Variants in USP13 observed in about 807,000 individuals in gnomAD.
The protein encoded by USP13 is ubiquitin specific peptidase 13, also known as ubiquitin carboxyl-terminal hydrolase 13.
Under a neutral mutation model 107.8 loss-of-function variants are expected in USP13, and 68 were observed. That is an observed-to-expected ratio of 0.63 (90% CI 0.52 to 0.77). The LOEUF (loss-of-function observed/expected upper bound fraction) is 0.77. Among genes scored for constraint, USP13 ranks in the 30% least tolerant of loss-of-function variants. The probability of loss-of-function intolerance (pLI) is 0.00; values close to 1 mark genes in which losing one functional copy is unlikely to be tolerated. For missense variants in USP13, 945 were observed against 1,093.3 expected (o/e 0.86, Z 1.91); for synonymous variants, 377 against 389.5 (o/e 0.97, Z 0.38).
intron 10 of USP13, among the ~76,000 whole-genome samples, chr3:179,738,329 T>C (rs550771156): frequency 6.6e-6 from 1 of 152,318 alleles, no homozygotes; most frequent in Admixed American, 6.5e-5. Flanking sequence ...TTGGCTCAAA[T>C]GACAAGGTGA....
At chr3:179,734,763 A>G (rs1384858789) in intron 10 of USP13, among the ~76,000 whole-genome samples, 1 of 152,248 alleles carries the variant, frequency 6.6e-6, no homozygotes, top group Non-Finnish European at 1.5e-5. Context: ...TAAGGTTAAA[A>G]ATTTAAATCA....
chr3:179,684,423 A>C (rs1471746138), intron 2 of USP13, among the ~76,000 whole-genome samples: 8 of 151,818 alleles, frequency 5.3e-5, no homozygotes, highest in Non-Finnish European at 8.8e-5. Context: ...TGATCCTCCC[A>C]CCTCAGCCCC....
At chr3:179,689,667 A>G (rs1040239372) in intron 2 of USP13, among the ~76,000 whole-genome samples, 3 of 151,922 alleles carry the variant, frequency 2.0e-5, no homozygotes, top group African/African-American at 7.3e-5. Flanking sequence ...CAAAAAAAAA[A>G]GCCAAAAAAA....
chr3:179,671,929 G>C (rs1460912652), intron 1 of USP13, among the ~76,000 whole-genome samples: 1 of 152,168 alleles, frequency 6.6e-6, no homozygotes, highest in Non-Finnish European at 1.5e-5. Context: ...ATGACCGCTT[G>C]TTTTCCACAG....
At position 179,653,542 on chromosome 3, in the gene USP13, TAGTG is replaced by T; in HGVS notation, c.168+152_168+155del. 1 of 1,140,074 alleles carries T rather than the reference TAGTG, an allele frequency of 8.8e-7. No homozygotes were observed. Among genetic ancestry groups the T allele is most frequent in the South Asian group, 1.6e-5 (1 of 62,380 alleles). 70.6% of individuals were successfully genotyped at this position (1,140,074 alleles called of 1,614,324 possible). On this transcript the variant is annotated intron_variant, in intron 1 of 20. Coordinates refer to ENST00000263966, the MANE Select transcript of USP13 (RefSeq NM_003940.3). The surrounding 1 kb of genome is among the most constrained non-coding windows in gnomAD (Gnocchi z 4.0). ...GGAACACTGCAGTTCGGCAGACACT[TAGTG>T]AGCGCCCCAGGGCTGCTGCAGCCGA...
chr3:179,705,446 C>G (rs1348950068), intron 4 of USP13, among the ~76,000 whole-genome samples: 1 of 152,110 alleles, frequency 6.6e-6, no homozygotes, highest in African/African-American at 2.4e-5. Flanking sequence ...CTCCATGCTC[C>G]GCCTGTGGCA....
At chr3:179,771,285 C>T (rs1035386844) in intron 19 of USP13, among the ~76,000 whole-genome samples, 1 of 152,180 alleles carries the variant, frequency 6.6e-6, no homozygotes, top group Non-Finnish European at 1.5e-5. Flanking sequence ...TCCTGAGAGC[C>T]TGAGACTCTG....
chr3:179,666,257 G>A (rs1720583841), intron 1 of USP13, among the ~76,000 whole-genome samples: 1 of 152,194 alleles, frequency 6.6e-6, no homozygotes, highest in Non-Finnish European at 1.5e-5. Context: ...ATAGGTGGGA[G>A]TGGCTACAGG....
At chr3:179,765,629 G>C (rs576543090) in intron 18 of USP13, 66 bp from the exon 19 acceptor site, 44 of 1,565,380 alleles carry the variant, frequency 2.8e-5, no homozygotes, top group Admixed American at 2.0e-4. Flanking sequence ...AGTTGAAATG[G>C]TCAGGACATA....
chr3:179,657,389 G>A (rs992277630), intron 1 of USP13, among the ~76,000 whole-genome samples: 5 of 150,582 alleles, frequency 3.3e-5, no homozygotes, highest in East Asian at 2.0e-4. Flanking sequence ...GTGAGACTCC[G>A]TCTCAAAAAA....
rs776208122 is a variant in USP13, at chr3:179,678,019, G to T, written c.169-3859G>T. ...TTTAAATTTCATGCAACTCTGTGTCGTGGGAATTATTGCTACGGCCATGTT... is the reference window on the plus strand; with the variant it reads ...TTTAAATTTCATGCAACTCTGTGTCTTGGGAATTATTGCTACGGCCATGTT... On this transcript the variant is annotated intron_variant, in intron 1 of 20. Transcript: ENST00000263966. The surrounding 1 kb of genome is among the most constrained non-coding windows in gnomAD (Gnocchi z 4.2). Among the ~76,000 whole-genome samples, 2 of 152,106 alleles carry T rather than the reference G, an allele frequency of 1.3e-5. No homozygotes were observed. Among genetic ancestry groups the T allele is most frequent in the South Asian group, 4.1e-4 (2 of 4,832 alleles).
At chr3:179,756,431 AACAAACAAAC>A (rs1309157235) in intron 15 of USP13, among the ~76,000 whole-genome samples, 4 of 151,822 alleles carry the variant, frequency 2.6e-5, no homozygotes, top group Non-Finnish European at 4.4e-5. Context: ...CAAACAAACA[AACAAACAAAC>A]AAACAAAAAA....
intron 12 of USP13, among the ~76,000 whole-genome samples, chr3:179,743,045 T>G (rs1187705307): frequency 1.3e-5 from 2 of 152,220 alleles, no homozygotes; most frequent in African/African-American, 2.4e-5. Context: ...ACTAGTCATT[T>G]TTGTAAAGTT....
intron 8 of USP13, among the ~76,000 whole-genome samples, chr3:179,724,169 A>G (rs1411666595): frequency 6.6e-6 from 1 of 151,890 alleles, no homozygotes; most frequent in Non-Finnish European, 1.5e-5. Context: ...TAAAAAAATA[A>G]TAAGAAGGCC....
chr3:179,755,419 C>T (rs1044706630), intron 15 of USP13, among the ~76,000 whole-genome samples: 9 of 152,032 alleles, frequency 5.9e-5, no homozygotes, highest in African/African-American at 1.9e-4. Context: ...CTCAGCCTCA[C>T]GAGTAGCTGG....
intron 16 of USP13, 119 bp downstream of exon 16, chr3:179,757,197 A>G: frequency 8.5e-7 from 1 of 1,180,866 alleles, no homozygotes. Flanking sequence ...AGCTTTTCCC[A>G]GGTGGGAACG....
chr3:179,655,548 G>GT (rs150977876), intron 1 of USP13, among the ~76,000 whole-genome samples: 63,323 of 131,020 alleles, frequency 0.48, 16,416 homozygotes, highest in Middle Eastern at 0.6. Flanking sequence ...TAATGGGAAG[G>GT]TTTTTTTTGT....
chr3:179,758,684 G>A (rs1422180749), intron 16 of USP13, among the ~76,000 whole-genome samples: 1 of 151,852 alleles, frequency 6.6e-6, no homozygotes. Context: ...ATTTTTAGTA[G>A]AGACGGGGTT....
chr3:179,762,383 C>A (rs1272011699), intron 17 of USP13, among the ~76,000 whole-genome samples: 3 of 152,230 alleles, frequency 2.0e-5, no homozygotes, highest in Non-Finnish European at 4.4e-5. Context: ...GAGTTCAAGA[C>A]CAGCCTGGCC....
Sources: gnomAD v4.1 joint callset for allele counts (sites outside exome capture counted in the v4.1 genomes callset) on GRCh38, gnomAD v4.1.1 for gene constraint, Gnocchi (gnomAD v3.1) non-coding constraint, MANE v1.5 for transcripts, NCBI Gene and HGNC (gene_info 2026-07-23, HGNC 2026-07-21) for gene names.